The following BFSP2 variants were observed in gnomAD, a reference collection of about 807,000 sequenced individuals.
The protein encoded by BFSP2 is beaded filament structural protein 2, also known as phakinin.
A neutral mutation model predicts 44.9 loss-of-function variants in BFSP2; 38 were observed. The ratio of observed to expected loss-of-function variants is 0.85; its 90% CI spans 0.65 to 1.11. BFSP2 has a LOEUF of 1.11. Among genes scored for constraint, BFSP2 ranks in the 50% least tolerant of loss-of-function variants. The pLI is 0.00. For missense variants in BFSP2, 525 were observed against 533.0 expected (o/e 0.99, Z 0.15); for synonymous variants, 197 against 209.9 (o/e 0.94, Z 0.53).
chr3:133,466,699 A>AAAAAAAAAAAAAAAAATGTTTCCACG, intron 4 of BFSP2, 129 bp from the exon 5 acceptor site: 1 of 674,344 alleles, frequency 1.5e-6, no homozygotes, highest in South Asian at 1.7e-5. Flanking sequence ...AAAAAAAAAG[A>AAAAAAAAAAAAAAAAATGTTTCCACG]TGTTTCCACG....
chr3:133,455,585 C>T (rs923636513), intron 4 of BFSP2: 2 of 152,218 alleles, frequency 1.3e-5, no homozygotes, highest in Non-Finnish European at 2.9e-5. Flanking sequence ...AATTACATGT[C>T]AAAATCTCTT....
At chr3:133,414,976 CA>C (rs1217401255) in intron 1 of BFSP2, among the ~76,000 whole-genome samples, 1 of 136,922 alleles carries the variant, frequency 7.3e-6, no homozygotes, top group Non-Finnish European at 1.6e-5. Context: ...TCACCCCTGC[CA>C]TCTCTCCTCT....
intron 4 of BFSP2, among the ~76,000 whole-genome samples, chr3:133,461,729 T>C (rs1399811739): frequency 6.6e-6 from 1 of 152,236 alleles, no homozygotes; most frequent in Non-Finnish European, 1.5e-5. Context: ...GTGGGAAGTA[T>C]CTCTTGTGGT....
chr3:133,462,994 G>A (rs2074077611), intron 4 of BFSP2, among the ~76,000 whole-genome samples: 1 of 152,154 alleles, frequency 6.6e-6, no homozygotes, highest in Non-Finnish European at 1.5e-5. Context: ...TTTAGAACAG[G>A]AGTGAAAGTT....
intron 1 of BFSP2, among the ~76,000 whole-genome samples, chr3:133,437,243 G>A (rs948583281): frequency 1.6e-4 from 25 of 152,140 alleles, no homozygotes; most frequent in African/African-American, 6.0e-4. Flanking sequence ...AGGAACTGAG[G>A]GCTGGGCACA....
chr3:133,436,220 G>A (rs1388824493), intron 1 of BFSP2, among the ~76,000 whole-genome samples: 1 of 150,678 alleles, frequency 6.6e-6, no homozygotes, highest in Non-Finnish European at 1.5e-5. Flanking sequence ...CAGCTACTGG[G>A]TAGACTGAGG....
chr3:133,442,448 C>T (rs1236952129), intron 1 of BFSP2, among the ~76,000 whole-genome samples: 1 of 152,170 alleles, frequency 6.6e-6, no homozygotes, highest in Non-Finnish European at 1.5e-5. Flanking sequence ...AACCACCACA[C>T]CTAGCCCCTC....
At chr3:133,465,777 G>A (rs1394850675) in intron 4 of BFSP2, among the ~76,000 whole-genome samples, 2 of 152,128 alleles carry the variant, frequency 1.3e-5, no homozygotes, top group Admixed American at 6.5e-5. Context: ...TTTTCCGAAG[G>A]GAAATTTGCC....
At chr3:133,423,511 C>T (rs898636924) in intron 1 of BFSP2, among the ~76,000 whole-genome samples, 5 of 150,696 alleles carry the variant, frequency 3.3e-5, no homozygotes, top group Admixed American at 6.6e-5. Flanking sequence ...CATCACCTGC[C>T]CAGCCAACTT....
At chr3:133,469,115 T>G (rs1289995272) in intron 5 of BFSP2, among the ~76,000 whole-genome samples, 2 of 152,178 alleles carry the variant, frequency 1.3e-5, no homozygotes, top group Non-Finnish European at 2.9e-5. Flanking sequence ...TAATTTACAC[T>G]CTCAACCAGA....
intron 1 of BFSP2, among the ~76,000 whole-genome samples, chr3:133,446,599 T>C (rs1180947753): frequency 2.9e-5 from 1 of 34,464 alleles, no homozygotes; most frequent in African/African-American, 1.5e-4. Flanking sequence ...TATATATATA[T>C]ATATATATAT....
intron 4 of BFSP2, among the ~76,000 whole-genome samples, chr3:133,457,687 T>A (rs1305864884): frequency 6.6e-6 from 1 of 152,250 alleles, no homozygotes; most frequent in Non-Finnish European, 1.5e-5. Context: ...TTTTTACAAA[T>A]AAAGTTTTAT....
At chr3:133,452,160 A>G (rs2107928106) in intron 4 of BFSP2, among the ~76,000 whole-genome samples, 1 of 152,356 alleles carries the variant, frequency 6.6e-6, no homozygotes, top group African/African-American at 2.4e-5. Flanking sequence ...TTTGAGAACC[A>G]TAAGAATTAT....
chr3:133,401,986 T>C (rs1261972080), intron 1 of BFSP2, among the ~76,000 whole-genome samples: 1 of 152,168 alleles, frequency 6.6e-6, no homozygotes, highest in African/African-American at 2.4e-5. Context: ...CTTGCATCCA[T>C]CTGGGCTGCA....
intron 3 of BFSP2, chr3:133,449,126 A>G: frequency 6.0e-6 from 1 of 165,890 alleles, no homozygotes; most frequent in Non-Finnish European, 1.3e-5. Context: ...GACTTCAGCA[A>G]TTCTAAACCA....
At chr3:133,424,476 G>A (rs1210440530) in intron 1 of BFSP2, among the ~76,000 whole-genome samples, 3 of 147,538 alleles carry the variant, frequency 2.0e-5, no homozygotes, top group African/African-American at 7.6e-5. Context: ...AGAGTCAAAG[G>A]TCCTGAGTTC....
At chr3:133,430,813 A>C (rs943877668) in intron 1 of BFSP2, among the ~76,000 whole-genome samples, 24 of 151,120 alleles carry the variant, frequency 1.6e-4, no homozygotes, top group African/African-American at 4.1e-4. Flanking sequence ...TCCCCTCCTC[A>C]CCAGGCCGAG....
chr3:133,424,364 G>A (rs1289168828), intron 1 of BFSP2, among the ~76,000 whole-genome samples: 2 of 151,984 alleles, frequency 1.3e-5, no homozygotes, highest in East Asian at 1.9e-4. Flanking sequence ...CACTATGCCC[G>A]GCCTTCTCTT....
At chr3:133,456,083 G>A (rs554231601) in intron 4 of BFSP2, among the ~76,000 whole-genome samples, 1 of 152,146 alleles carries the variant, frequency 6.6e-6, no homozygotes, top group African/African-American at 2.4e-5. Flanking sequence ...GTGGTTGCCC[G>A]GATGTGAGAG....
Sources: gnomAD v4.1 joint callset for allele counts (sites outside exome capture counted in the v4.1 genomes callset) on GRCh38, gnomAD v4.1.1 for gene constraint, MANE v1.5 for transcripts, NCBI Gene and HGNC (gene_info 2026-07-23, HGNC 2026-07-21) for gene names.